The following CHD7 variants were observed in gnomAD, a reference collection of about 807,000 sequenced individuals.
CHD7 encodes chromodomain helicase DNA binding protein 7, also known as ATP-dependent chromatin remodeler CHD7.
Under a neutral mutation model 307.3 loss-of-function variants are expected in CHD7, and 24 were observed. The observed-to-expected ratio is 0.08, with a 90% CI of 0.06 to 0.11. The LOEUF (loss-of-function observed/expected upper bound fraction) is 0.11, where lower values mean the gene tolerates loss of function less well. Ranked by LOEUF, CHD7 falls within the 10% of genes least tolerant of loss-of-function variation. The pLI, the probability that CHD7 is intolerant of heterozygous loss-of-function variation, is 1.00. For synonymous variants in CHD7, 1,363 were observed against 1,349.9 expected (o/e 1.01, Z -0.21); for missense variants, 3,106 against 3,727.1 (o/e 0.83, Z 4.34).
intron 5 of CHD7, among the ~76,000 whole-genome samples, chr8:60,800,942 A>G (rs2150709951): frequency 6.6e-6 from 1 of 152,320 alleles, no homozygotes; most frequent in East Asian, 1.9e-4. Context: ...AGCAGGGTGT[A>G]CTTTATTCTC....
chr8:60,697,140 A>G (rs1278000869), intron 1 of CHD7, among the ~76,000 whole-genome samples: 1 of 152,202 alleles, frequency 6.6e-6, no homozygotes. Flanking sequence ...TGGGAGGTGG[A>G]AGAGAAGCCT....
In CHD7 at chr8:60,725,488, C is replaced by T. The variant is rs1009248331; in HGVS notation, c.-174-15771C>T. The stretch of plus-strand genomic sequence containing the variant: ...AGGGATTTGAAGTAGTTAAGTCATC[C>T]TCACAGCATCCCTGGGAATGACAGT... On this transcript the variant is annotated intron_variant, in intron 1 of 37. Coordinates refer to ENST00000423902, the MANE Select transcript of CHD7 (RefSeq NM_017780.4). Among the ~76,000 whole-genome samples, 13 of 152,128 alleles carry T rather than the reference C, an allele frequency of 8.5e-5. 1 individual carries two copies. Among genetic ancestry groups the T allele is most frequent in the Non-Finnish European group, 1.8e-4 (12 of 68,032 alleles).
chr8:60,801,532 C>A lies in CHD7; in HGVS notation c.2381C>A (p.Ser794Tyr). ...TGCACATGCCTTTTTTTTTAGGAATCTGTTGATGCAGAAGGCCCAGTGGTA... is the reference window on the plus strand; with the variant it reads ...TGCACATGCCTTTTTTTTTAGGAATATGTTGATGCAGAAGGCCCAGTGGTA... ...SNTSQSEQQE[S>Y]VDAEGPVVEK... Residue 794 changes from serine to tyrosine, a missense_variant, in exon 6 of 38, where the codon TCT becomes TAT. This residue lies in a region of CHD7 where 998 missense variants were observed against 1,004.5 expected (regional missense o/e 0.99). Transcript: ENST00000423902. 6.4e-7 allele frequency: 1 copy of A among 1,568,408 alleles called. No homozygotes were observed. Among genetic ancestry groups the A allele is most frequent in the Non-Finnish European group, 8.7e-7 (1 of 1,155,038 alleles).
At chr8:60,824,160 A>T (rs772084465) in intron 13 of CHD7, 144 bp downstream of exon 13, 77 of 731,410 alleles carry the variant, frequency 1.1e-4, no homozygotes, top group Non-Finnish European at 1.5e-4. Context: ...ACTTTCAGTT[A>T]TTCAAAAGTT....
chr8:60,766,540 G>A (rs142816003), intron 2 of CHD7, among the ~76,000 whole-genome samples: 4 of 152,344 alleles, frequency 2.6e-5, no homozygotes, highest in Admixed American at 2.0e-4. Context: ...GACTGCTGTA[G>A]TCCAGGCAGG....
At chr8:60,749,720 C>G (rs1420044638) in intron 2 of CHD7, among the ~76,000 whole-genome samples, 1 of 152,126 alleles carries the variant, frequency 6.6e-6, no homozygotes, top group East Asian at 1.9e-4. Flanking sequence ...ATCTGGTGCT[C>G]ACAGAAGGAA....
At chr8:60,841,589 C>G (rs1483557239) in intron 19 of CHD7, 55 bp from the exon 20 acceptor site, 115 of 1,366,688 alleles carry the variant, frequency 8.4e-5, no homozygotes, top group Non-Finnish European at 1.1e-4. Flanking sequence ...AGCTGCTTTA[C>G]ATTCTGCTTC....
At chr8:60,729,403 A>G (rs1808329574) in intron 1 of CHD7, among the ~76,000 whole-genome samples, 1 of 152,236 alleles carries the variant, frequency 6.6e-6, no homozygotes, top group Non-Finnish European at 1.5e-5. Flanking sequence ...GGCATAAAGT[A>G]GGGAATTTGC....
Position 60,836,813 on chromosome 8 carries a change from C to G in CHD7, c.3990-4C>G. 1 of 1,612,958 alleles carries G rather than the reference C, an allele frequency of 6.2e-7. No individual in the cohort carries two copies. Among genetic ancestry groups the G allele is most frequent in the Non-Finnish European group, 8.5e-7 (1 of 1,179,230 alleles). ...GCCTCCTTGTTCACACTGATGTTTT[C>G]TAGGTACCCATATGAAAGGATCGAC... is the stretch of plus-strand genomic sequence containing the variant. On this transcript the variant is annotated splice_polypyrimidine_tract_variant and splice_region_variant and intron_variant, in intron 16 of 37. Coordinates refer to ENST00000423902, the MANE Select transcript of CHD7 (RefSeq NM_017780.4).
intron 1 of CHD7, among the ~76,000 whole-genome samples, chr8:60,690,037 G>A (rs1007286709): frequency 1.3e-5 from 2 of 152,110 alleles, no homozygotes; most frequent in Non-Finnish European, 2.9e-5. Context: ...TGCAGCCTCC[G>A]TGAGATATTT....
At chr8:60,832,078 G>A (rs1306516895) in intron 15 of CHD7, among the ~76,000 whole-genome samples, 1 of 152,122 alleles carries the variant, frequency 6.6e-6, no homozygotes. Context: ...CTGTAGTGCG[G>A]TGGCACGATC....
chr8:60,749,369 T>TAAAAAAAA (rs1809510992), intron 2 of CHD7, among the ~76,000 whole-genome samples: 1 of 2,334 alleles, frequency 4.3e-4, no homozygotes. Flanking sequence ...AGACTCTGTA[T>TAAAAAAAA]CAAAAAAAAA....
At chr8:60,841,606 A>G (rs377198357) in intron 19 of CHD7, 38 bp from the exon 20 acceptor site, 1 of 1,480,676 alleles carries the variant, frequency 6.8e-7, no homozygotes, top group South Asian at 1.1e-5. Flanking sequence ...CTTCTGAGAA[A>G]GGCCTCTCAA....
chr8:60,712,447 A>G (rs537158186), intron 1 of CHD7, among the ~76,000 whole-genome samples: 2 of 152,196 alleles, frequency 1.3e-5, no homozygotes, highest in Non-Finnish European at 2.9e-5. Flanking sequence ...TCTAACATGT[A>G]AAAGTAGACA....
chr8:60,850,964 T>A (rs73254571), intron 26 of CHD7, 68 bp from the exon 27 acceptor site: 1 of 1,122,846 alleles, frequency 8.9e-7, no homozygotes, highest in African/African-American at 1.7e-5. Context: ...TACTCTTTCC[T>A]ACCCACCCCC....
chr8:60,833,105 G>A (rs1804596058), intron 15 of CHD7, among the ~76,000 whole-genome samples: 1 of 152,194 alleles, frequency 6.6e-6, no homozygotes, highest in Admixed American at 6.5e-5. Flanking sequence ...CCACAGTCTG[G>A]AGTAAAAACA....
In CHD7 at chr8:60,851,330, A is replaced by T; in HGVS notation, c.5665+11A>T. On this transcript the variant is annotated intron_variant, in intron 28 of 37. Coordinates refer to ENST00000423902, the MANE Select transcript of CHD7 (RefSeq NM_017780.4). ...AAATACATGCCACAGGTAAGGTCCC[A>T]GAAAAGCTTGTGTAGCCGAGCAGAC... is the stretch of plus-strand genomic sequence containing the variant. The T allele has an allele frequency of 6.4e-7, 1 of 1,555,862 alleles. No individual in the cohort carries two copies. Among genetic ancestry groups the T allele is most frequent in the African/African-American group, 1.4e-5 (1 of 73,498 alleles).
In CHD7 at chr8:60,844,890, C is replaced by G; in HGVS notation, c.4877C>G (p.Ser1626Cys). 6.2e-7 allele frequency: 1 copy of G among 1,606,872 alleles called. No individual in the cohort carries two copies. Among genetic ancestry groups the G allele is most frequent in the Non-Finnish European group, 8.5e-7 (1 of 1,174,898 alleles). ...TGGGGACGGTGGACAGACATTCTTT[C>G]CCACGGACGCTATAAACGCCAACTC... ...YGWGRWTDIL[S>C]HGRYKRQLTE... Residue 1626 changes from serine to cysteine, a missense_variant, in exon 22 of 38, where the codon TCC becomes TGC. Coordinates refer to ENST00000423902, the MANE Select transcript of CHD7 (RefSeq NM_017780.4).
intron 2 of CHD7, among the ~76,000 whole-genome samples, chr8:60,780,768 T>C (rs931283274): frequency 6.6e-6 from 1 of 152,226 alleles, no homozygotes; most frequent in African/African-American, 2.4e-5. Context: ...GATTTTTTTT[T>C]ACTGTATTAA....
Sources: allele counts gnomAD v4.1 joint callset (sites outside exome capture counted in the v4.1 genomes callset), GRCh38; gene constraint gnomAD v4.1.1; regional missense constraint gnomAD v4.1.1; transcripts MANE v1.5; gene names NCBI Gene and HGNC (gene_info 2026-07-23, HGNC 2026-07-21).